SRPK2: variants seen among roughly 807,000 people sequenced by gnomAD.
SRPK2 encodes the protein SRSF protein kinase 2.
SRPK2 carries 21 observed loss-of-function variants against 90.8 expected under a neutral mutation model. The observed-to-expected ratio is 0.23, with a 90% CI of 0.16 to 0.33. The LOEUF (loss-of-function observed/expected upper bound fraction) is 0.33. Ranked by LOEUF, SRPK2 falls within the 10% of genes least tolerant of loss-of-function variation. The probability of loss-of-function intolerance (pLI) is 1.00; values close to 1 mark genes in which losing one functional copy is unlikely to be tolerated. For synonymous variants in SRPK2, 288 were observed against 311.1 expected (o/e 0.93, Z 0.78); for missense variants, 620 against 869.0 (o/e 0.71, Z 3.60).
rs185057577 is a variant in SRPK2 at position 105,133,006 on chromosome 7, C to A, written c.1642G>T (p.Val548Leu). The change falls in exon 12 of 16, where the codon GTG becomes TTG. Residue 548 changes from valine (V) to leucine (L), a missense_variant and splice_region_variant. By Grantham distance (32) the Val-to-Leu change is conservative (BLOSUM62 1). Coordinates refer to ENST00000393651, the MANE Select transcript of SRPK2 (RefSeq NM_182692.3). ...KIADLGNACW[V>L]HKHFTEDIQT... ...TTTAGAAAGAAAACTCTACTTACCA[C>A]CCAACAAGCATTTCCCAGGTCAGCA... is the stretch of plus-strand genomic sequence containing the variant. The A allele has an allele frequency of 9.3e-6, 15 of 1,614,186 alleles. No individual in the cohort carries two copies. The Admixed American group carries it at 1.8e-4, about 20-fold the overall frequency.
At chr7:105,294,723 A>C (rs1809559661) in intron 2 of SRPK2, among the ~76,000 whole-genome samples, 1 of 151,996 alleles carries the variant, frequency 6.6e-6, no homozygotes, top group African/African-American at 2.4e-5. Context: ...ACAGGATTTC[A>C]TCATGTTGGC....
chr7:105,315,728 G>A (rs907774014), intron 2 of SRPK2, among the ~76,000 whole-genome samples: 6 of 152,140 alleles, frequency 3.9e-5, no homozygotes, highest in African/African-American at 7.2e-5. Flanking sequence ...TATTACACAC[G>A]TGTGTTCTCA....
At chr7:105,205,928 A>AACACACAC (rs139433699) in intron 2 of SRPK2, 1 of 461,278 alleles carries the variant, frequency 2.2e-6, no homozygotes, top group Non-Finnish European at 4.3e-6. Flanking sequence ...ATTCTCTGAA[A>AACACACAC]ACACACACAC....
chr7:105,349,778 C>T (rs1352285619), intron 2 of SRPK2, among the ~76,000 whole-genome samples: 1 of 151,788 alleles, frequency 6.6e-6, no homozygotes, highest in Admixed American at 6.6e-5. Flanking sequence ...CTCGCTCTGT[C>T]GCCAGGCTGG....
At chr7:105,339,062 GAA>G (rs1204005126) in intron 2 of SRPK2, among the ~76,000 whole-genome samples, 1 of 152,136 alleles carries the variant, frequency 6.6e-6, no homozygotes, top group African/African-American at 2.4e-5. Flanking sequence ...ATAATTTTGA[GAA>G]AGTGTCTATT....
At chr7:105,123,696 G>C (rs939491971) in intron 15 of SRPK2, among the ~76,000 whole-genome samples, 3 of 151,934 alleles carry the variant, frequency 2.0e-5, no homozygotes, top group Non-Finnish European at 4.4e-5. Context: ...TTCCATGACC[G>C]GCCCTCATTC....
intron 3 of SRPK2, among the ~76,000 whole-genome samples, chr7:105,183,232 T>C (rs1793120643): frequency 6.6e-6 from 1 of 152,222 alleles, no homozygotes; most frequent in South Asian, 2.1e-4. Flanking sequence ...TTCTTCAATA[T>C]ACTGATACTG....
chr7:105,396,815 AG>A (rs1278961975), intron 1 of SRPK2, among the ~76,000 whole-genome samples: 16 of 78,450 alleles, frequency 2.0e-4, no homozygotes, highest in Admixed American at 4.3e-4. Flanking sequence ...AGAAAGAAAG[AG>A]AGAAAGAGAG....
intron 2 of SRPK2, among the ~76,000 whole-genome samples, chr7:105,370,511 T>C (rs1316007412): frequency 6.6e-6 from 1 of 152,108 alleles, no homozygotes; most frequent in African/African-American, 2.4e-5. Context: ...GATTTGAAAA[T>C]TATAATGCCG....
At chr7:105,225,942 C>A (rs1214854641) in intron 2 of SRPK2, among the ~76,000 whole-genome samples, 1 of 152,208 alleles carries the variant, frequency 6.6e-6, no homozygotes, top group African/African-American at 2.4e-5. Context: ...AACTGCTCAA[C>A]AGCCACATGC....
chr7:105,310,116 A>G (rs1811545671), intron 2 of SRPK2, among the ~76,000 whole-genome samples: 1 of 152,204 alleles, frequency 6.6e-6, no homozygotes, highest in Non-Finnish European at 1.5e-5. Context: ...GCTGCAGCAG[A>G]GAAAACATGG....
At chr7:105,309,426 A>G (rs1183316812) in intron 2 of SRPK2, among the ~76,000 whole-genome samples, 1 of 152,228 alleles carries the variant, frequency 6.6e-6, no homozygotes, top group Non-Finnish European at 1.5e-5. Flanking sequence ...GGCCTTGAAA[A>G]TTCAATTCAT....
intron 2 of SRPK2, among the ~76,000 whole-genome samples, chr7:105,217,400 C>G (rs946393542): frequency 6.6e-6 from 1 of 152,184 alleles, no homozygotes; most frequent in African/African-American, 2.4e-5. Flanking sequence ...GAGACTAGCA[C>G]CCATGAAACC....
chr7:105,360,944 C>T (rs916842160), intron 2 of SRPK2, among the ~76,000 whole-genome samples: 1 of 152,208 alleles, frequency 6.6e-6, no homozygotes, highest in East Asian at 1.9e-4. Context: ...TCTCACCACT[C>T]GAATATTCAA....
Position 105,156,236 on chromosome 7 carries a change from A to T in SRPK2, c.621+4271T>A, listed in dbSNP as rs184413318. On this transcript the variant is annotated intron_variant, in intron 7 of 15. Coordinates refer to ENST00000393651, the MANE Select transcript of SRPK2 (RefSeq NM_182692.3). Reference sequence around the variant, plus strand: ...CTGAAGCCAGACTATCTGGGTTTGAATTCCTGCTTCACCACTTAGCACTTT... The same window carrying T: ...CTGAAGCCAGACTATCTGGGTTTGATTTCCTGCTTCACCACTTAGCACTTT... Among the ~76,000 whole-genome samples, 21 of 152,346 alleles carry T rather than the reference A, an allele frequency of 1.4e-4. No individual in the cohort carries two copies. In the East Asian group the frequency reaches 3.9e-3, roughly 28 times the overall value.
chr7:105,243,888 G>C (rs1447792249), intron 2 of SRPK2, among the ~76,000 whole-genome samples: 1 of 152,192 alleles, frequency 6.6e-6, no homozygotes, highest in Admixed American at 6.5e-5. Context: ...ACCTTTGTCG[G>C]GAATTCTGGC....
At chr7:105,168,867 T>C (rs1156746078) in intron 4 of SRPK2, among the ~76,000 whole-genome samples, 1 of 151,762 alleles carries the variant, frequency 6.6e-6, no homozygotes, top group Non-Finnish European at 1.5e-5. Context: ...TACTATACAT[T>C]ATGTTTGTCT....
At chr7:105,265,438 T>C (rs1585434085) in intron 2 of SRPK2, among the ~76,000 whole-genome samples, 1 of 152,144 alleles carries the variant, frequency 6.6e-6, no homozygotes, top group Non-Finnish European at 1.5e-5. Flanking sequence ...CTGTGGATTT[T>C]GATATCTATG....
At chr7:105,237,845 G>T (rs1229123550) in intron 2 of SRPK2, among the ~76,000 whole-genome samples, 1 of 152,118 alleles carries the variant, frequency 6.6e-6, no homozygotes, top group Non-Finnish European at 1.5e-5. Context: ...GGTTATAGGT[G>T]CATTATAAAC....
Sources: allele counts gnomAD v4.1 joint callset (sites outside exome capture counted in the v4.1 genomes callset), GRCh38; gene constraint gnomAD v4.1.1; transcripts MANE v1.5; gene names NCBI Gene and HGNC (gene_info 2026-07-23, HGNC 2026-07-21).